Variants in DPYD observed in about 807,000 individuals in gnomAD.
The protein encoded by DPYD is dihydropyrimidine dehydrogenase [NADP(+)].
A neutral mutation model predicts 116.2 loss-of-function variants in DPYD; 109 were observed. That is an observed-to-expected ratio of 0.94 (90% CI 0.80 to 1.10). The LOEUF (loss-of-function observed/expected upper bound fraction) is 1.10, where lower values mean the gene tolerates loss of function less well. Ranked by LOEUF, DPYD falls within the 50% of genes least tolerant of loss-of-function variation. The pLI is 0.00. For missense variants in DPYD, 1,302 were observed against 1,254.5 expected, an observed-to-expected ratio of 1.04 and a Z score of -0.57; for synonymous variants, 440 against 432.0, an observed-to-expected ratio of 1.02 and a Z score of -0.23.
At chr1:97,379,103 G>A (rs1450465876) in intron 15 of DPYD, among the ~76,000 whole-genome samples, 1 of 152,178 alleles carries the variant, frequency 6.6e-6, no homozygotes, top group Non-Finnish European at 1.5e-5. Context: ...AATAGGACAG[G>A]GAGGTTTAAA....
chr1:97,878,065 C>T lies in DPYD; in HGVS notation c.150+5199G>A, dbSNP rs560035566. ...TCTATCCTTCCTCCATGGAAGTCCCCTACTATGCTCTTGTGGTTCTCATCT... is the reference window on the plus strand; with the variant it reads ...TCTATCCTTCCTCCATGGAAGTCCCTTACTATGCTCTTGTGGTTCTCATCT... On this transcript the variant is annotated intron_variant, in intron 2 of 22. Transcript: ENST00000370192. Among the ~76,000 whole-genome samples, 8 of 152,038 alleles carry T rather than the reference C, an allele frequency of 5.3e-5. No individual in the cohort carries two copies. The East Asian group carries it at 1.6e-3, about 30-fold the overall frequency.
At chr1:97,807,510 A>G (rs1668130354) in intron 3 of DPYD, among the ~76,000 whole-genome samples, 1 of 152,028 alleles carries the variant, frequency 6.6e-6, no homozygotes, top group Non-Finnish European at 1.5e-5. Flanking sequence ...GTTGGATTTT[A>G]GTGCTTCTTT....
chr1:97,875,843 T>C (rs1671886247), intron 2 of DPYD, among the ~76,000 whole-genome samples: 1 of 152,164 alleles, frequency 6.6e-6, no homozygotes, highest in South Asian at 2.1e-4. Flanking sequence ...ACTTAAAATA[T>C]ACTTACTTCA....
At chr1:97,196,576 A>T (rs1238165571) in intron 19 of DPYD, among the ~76,000 whole-genome samples, 1 of 152,224 alleles carries the variant, frequency 6.6e-6, no homozygotes, top group Non-Finnish European at 1.5e-5. Flanking sequence ...ATCTAACATG[A>T]TGCGGGCTCT....
intron 14 of DPYD, among the ~76,000 whole-genome samples, chr1:97,408,678 T>A (rs1465704727): frequency 6.6e-6 from 1 of 152,152 alleles, no homozygotes; most frequent in East Asian, 1.9e-4. Context: ...TCTGTGAGGA[T>A]GTTGCCAAAG....
chr1:97,278,035 G>A (rs1190462589), intron 18 of DPYD, among the ~76,000 whole-genome samples: 1 of 152,120 alleles, frequency 6.6e-6, no homozygotes, highest in African/African-American at 2.4e-5. Context: ...TGATTGCCTA[G>A]TTCACCTTAT....
intron 19 of DPYD, among the ~76,000 whole-genome samples, chr1:97,207,751 C>A (rs183708888): frequency 3.4e-4 from 51 of 152,152 alleles, no homozygotes; most frequent in Non-Finnish European, 5.6e-4. Flanking sequence ...AGGAAAAGGT[C>A]TTCTATCTTG....
chr1:97,138,148 C>T (rs1653947001), intron 20 of DPYD, among the ~76,000 whole-genome samples: 1 of 152,044 alleles, frequency 6.6e-6, no homozygotes, highest in South Asian at 2.1e-4. Context: ...TCAAGCTGAC[C>T]TAATGGTAGA....
chr1:97,355,771 G>T (rs1670398455), intron 16 of DPYD, among the ~76,000 whole-genome samples: 1 of 152,142 alleles, frequency 6.6e-6, no homozygotes, highest in Admixed American at 6.6e-5. Context: ...TCTTTTTTAA[G>T]GCTGAATAGT....
intron 14 of DPYD, among the ~76,000 whole-genome samples, chr1:97,396,799 C>T (rs758134155): frequency 2.0e-5 from 3 of 152,092 alleles, no homozygotes; most frequent in Non-Finnish European, 2.9e-5. Flanking sequence ...CCATCCTAGA[C>T]GTCTGACTGT....
intron 14 of DPYD, among the ~76,000 whole-genome samples, chr1:97,402,480 T>G (rs1333764980): frequency 6.6e-6 from 1 of 152,156 alleles, no homozygotes; most frequent in Non-Finnish European, 1.5e-5. Flanking sequence ...TCTTGCCACA[T>G]TGCTATAATC....
At chr1:97,335,668 T>C (rs1396446183) in intron 16 of DPYD, among the ~76,000 whole-genome samples, 1 of 152,180 alleles carries the variant, frequency 6.6e-6, no homozygotes, top group Non-Finnish European at 1.5e-5. Flanking sequence ...TGGGTCCCCA[T>C]AGCCCTCTGC....
intron 16 of DPYD, among the ~76,000 whole-genome samples, chr1:97,323,926 A>C (rs914809015): frequency 6.6e-6 from 1 of 151,796 alleles, no homozygotes; most frequent in Non-Finnish European, 1.5e-5. Flanking sequence ...TACTCTTTCT[A>C]CTGTCTTGCA....
intron 18 of DPYD, among the ~76,000 whole-genome samples, chr1:97,284,271 C>T (rs924561540): frequency 3.3e-5 from 5 of 152,016 alleles, no homozygotes; most frequent in African/African-American, 7.2e-5. Flanking sequence ...ATAGTAAACT[C>T]ACTCATTAAG....
intron 20 of DPYD, among the ~76,000 whole-genome samples, chr1:97,183,883 G>C (rs972747316): frequency 4.6e-5 from 7 of 152,060 alleles, no homozygotes; most frequent in African/African-American, 1.7e-4. Flanking sequence ...ATAGTGCCCA[G>C]TAGTTATTTT....
At chr1:97,293,992 G>C (rs1666371679) in intron 18 of DPYD, among the ~76,000 whole-genome samples, 1 of 151,962 alleles carries the variant, frequency 6.6e-6, no homozygotes, top group Admixed American at 6.6e-5. Flanking sequence ...CTGCTTGTAT[G>C]CAACTGAATA....
At chr1:97,189,231 G>C (rs1265353349) in intron 20 of DPYD, among the ~76,000 whole-genome samples, 1 of 152,134 alleles carries the variant, frequency 6.6e-6, no homozygotes. Flanking sequence ...TGTGATACTG[G>C]TTACAGCCAA....
intron 8 of DPYD, among the ~76,000 whole-genome samples, chr1:97,675,256 G>A (rs1660077771): frequency 6.6e-6 from 1 of 152,174 alleles, no homozygotes; most frequent in African/African-American, 2.4e-5. Context: ...TATAGTAGAT[G>A]TTCCAATTCT....
chr1:97,150,575 G>T (rs1424990210), intron 20 of DPYD, among the ~76,000 whole-genome samples: 1 of 152,056 alleles, frequency 6.6e-6, no homozygotes, highest in Non-Finnish European at 1.5e-5. Context: ...GCTCTCTCTG[G>T]GTTCTCCTCT....
Sources: gnomAD v4.1 joint callset for allele counts (sites outside exome capture counted in the v4.1 genomes callset) on GRCh38, gnomAD v4.1.1 for gene constraint, MANE v1.5 for transcripts, NCBI Gene and HGNC (gene_info 2026-07-23, HGNC 2026-07-21) for gene names.